LRRD1: variants seen among roughly 807,000 people sequenced by gnomAD.
LRRD1 encodes leucine rich repeats and death domain containing 1.
Under a neutral mutation model 69.5 loss-of-function variants are expected in LRRD1, and 49 were observed. That is an observed-to-expected ratio of 0.70 (90% CI 0.56 to 0.89). LRRD1 has a LOEUF of 0.89. LRRD1 is among the 40% of genes least tolerant of loss of function. The pLI is 0.00. For missense variants in LRRD1, 853 were observed against 956.0 expected, an observed-to-expected ratio of 0.89 and a Z score of 1.42; for synonymous variants, 303 against 338.9, an observed-to-expected ratio of 0.89 and a Z score of 1.16.
At chr7:92,162,343 T>G (rs1238803416) in intron 2 of LRRD1, among the ~76,000 whole-genome samples, 1 of 152,220 alleles carries the variant, frequency 6.6e-6, no homozygotes, top group African/African-American at 2.4e-5. Context: ...CTTAAAGCTA[T>G]TTGATCACAG....
At chr7:92,143,795 GCTC>G (rs1386992464), downstream of LRRD1, among the ~76,000 whole-genome samples, 9 of 152,356 alleles carry the variant, frequency 5.9e-5, no homozygotes, top group East Asian at 1.5e-3. Context: ...GGGCTGAAGG[GCTC>G]CTCAAGTGCC....
At position 92,171,524 on chromosome 7, in the gene LRRD1, C is replaced by A. The variant is rs192406362; in HGVS notation, c.-74-6248G>T. On this transcript the variant is annotated intron_variant, in intron 1 of 5. Transcript: ENST00000458448. The stretch of plus-strand genomic sequence containing the variant: ...CCAGTAATGAGAAATGACATCAAAT[C>A]TGTAATAAAAAGTCTCCCATCCAAG... 2.7e-3 allele frequency among the ~76,000 whole-genome samples: 414 copies of A among 152,232 alleles called. 1 individual carries two copies. The highest frequency in any genetic ancestry group is 9.7e-3 in the African/African-American group (405 of 41,554).
Position 92,163,710 on chromosome 7 carries a change from T to C in LRRD1, c.1493A>G (p.Tyr498Cys), listed in dbSNP as rs1788838986. 1 of 1,501,474 alleles carries C rather than the reference T, an allele frequency of 6.7e-7. No homozygotes were observed. The highest frequency in any genetic ancestry group is 8.9e-7 in the Non-Finnish European group (1 of 1,128,072). 93.0% of individuals were successfully genotyped at this position (1,501,474 alleles called of 1,614,324 possible). ...TATATCCACAGGTATTTCTGAAATA[T>C]AATTTCCATTAACACTCAAATAATA... ...SLYYLSVNGN[Y>C]ISEIPVDISF... Residue 498 changes from tyrosine to cysteine, a missense_variant, in exon 2 of 6, where the codon TAT becomes TGT. This residue lies in a region of LRRD1 where 739 missense variants were observed against 808.0 expected (regional missense o/e 0.91). Coordinates refer to ENST00000458448, the MANE Select transcript of LRRD1 (RefSeq NM_001161528.2).
At chr7:92,156,776 T>C (rs1788666861) in intron 3 of LRRD1, among the ~76,000 whole-genome samples, 1 of 152,194 alleles carries the variant, frequency 6.6e-6, no homozygotes, top group African/African-American at 2.4e-5. Context: ...TTTTCTTGTG[T>C]TGTTGTGCTA....
chr7:92,146,956 G>A (rs1255439337), intron 4 of LRRD1, among the ~76,000 whole-genome samples: 1 of 150,788 alleles, frequency 6.6e-6, no homozygotes, highest in African/African-American at 2.4e-5. Context: ...TGACAATGCA[G>A]ATCTAAATTA....
At chr7:92,148,991 C>T (rs976956449) in intron 4 of LRRD1, among the ~76,000 whole-genome samples, 11 of 152,196 alleles carry the variant, frequency 7.2e-5, no homozygotes, top group Non-Finnish European at 1.5e-4. Flanking sequence ...TCGTGATTCA[C>T]CCACCTTGGC....
At chr7:92,144,400 G>A (rs1387440655), downstream of LRRD1, among the ~76,000 whole-genome samples, 1 of 151,998 alleles carries the variant, frequency 6.6e-6, no homozygotes, top group South Asian at 2.1e-4. Context: ...AGGCCCAGGC[G>A]GGCAGATCAC....
intron 2 of LRRD1, among the ~76,000 whole-genome samples, chr7:92,159,725 A>G (rs35242786): frequency 0.57 from 85,534 of 150,836 alleles, 25,475 homozygotes; most frequent in African/African-American, 0.77. Flanking sequence ...GGGTTCAAGC[A>G]ATTCTCCTGC....
intron 3 of LRRD1, among the ~76,000 whole-genome samples, chr7:92,153,386 A>T (rs1354278486): frequency 6.6e-6 from 1 of 151,786 alleles, no homozygotes; most frequent in Non-Finnish European, 1.5e-5. Flanking sequence ...TTTTTCATTC[A>T]TATAGCTTCT....
intron 1 of LRRD1, among the ~76,000 whole-genome samples, chr7:92,167,982 A>C (rs10236483): frequency 0.57 from 85,231 of 150,664 alleles, 25,343 homozygotes; most frequent in African/African-American, 0.76. Context: ...AGGAGATTTC[A>C]AGTTCTAAAA....
chr7:92,141,787 G>C (rs1820152630), downstream of LRRD1: 1 of 152,118 alleles, frequency 6.6e-6, no homozygotes, highest in Admixed American at 6.5e-5. Context: ...AAGGATTAGA[G>C]ACACAGGCTG....
downstream of LRRD1, among the ~76,000 whole-genome samples, chr7:92,143,738 G>C (rs1820237625): frequency 6.6e-6 from 1 of 152,236 alleles, no homozygotes; most frequent in South Asian, 2.1e-4. Flanking sequence ...GAGGGAGCCG[G>C]TTCCGGCCTT....
rs1275170560 is a variant in LRRD1 at position 92,165,142 on chromosome 7, C to A, written c.61G>T (p.Glu21Ter). 6 of 1,549,842 alleles carry A rather than the reference C, an allele frequency of 3.9e-6. No individual in the cohort carries two copies. In the Middle Eastern group the frequency reaches 5.0e-4, roughly 130 times the overall value. The change falls in exon 2 of 6, where the codon GAA becomes TAA. Residue 21 changes from glutamate (E) to a stop codon, truncating the protein, a stop_gained. Transcript: ENST00000458448. LOFTEE classifies it high-confidence loss of function. ...TCCTTCATTGACTGTGATCTAGATT[C>A]TTTCCTAAATTGACTAATAGTATCC... ...LEDTISQFRK[E>*]SRSQSMKEPG...
Position 92,163,360 on chromosome 7 carries a change from T to C in LRRD1, c.1843A>G (p.Ile615Val). Residue 615 changes from isoleucine (I) to valine (V), a missense_variant, in exon 2 of 6, where the codon ATA (isoleucine) becomes GTA (valine). By Grantham distance (29) the Ile-to-Val change is conservative. This residue lies in a region of LRRD1 where 739 missense variants were observed against 808.0 expected (regional missense o/e 0.91). Transcript: ENST00000458448. ...TGGCACAGTTCAATAGGAAAATGTA[T>C]AAATTGATTGCTTGAGAAGTTTAAT... ...QKLNFSSNQF[I>V]HFPIELCQLQ... 6.5e-7 allele frequency: 1 copy of C among 1,543,684 alleles called. No homozygotes were observed. Among genetic ancestry groups the C allele is most frequent in the Non-Finnish European group, 8.7e-7 (1 of 1,144,788 alleles).
intron 1 of LRRD1, 28 bp from the exon 2 acceptor site, chr7:92,165,304 A>G: frequency 1.8e-6 from 1 of 548,684 alleles, no homozygotes; most frequent in Non-Finnish European, 2.9e-6. Context: ...AAATTAAAAG[A>G]TGTAAGAGAT....
chr7:92,152,601 A>T (rs1263235544), intron 3 of LRRD1, among the ~76,000 whole-genome samples: 2 of 152,046 alleles, frequency 1.3e-5, no homozygotes, highest in Non-Finnish European at 2.9e-5. Context: ...TATTTCTTTC[A>T]TCAGTGTATC....
downstream of LRRD1, among the ~76,000 whole-genome samples, chr7:92,143,478 C>T (rs1042738783): frequency 6.6e-6 from 1 of 152,168 alleles, no homozygotes; most frequent in Non-Finnish European, 1.5e-5. Flanking sequence ...GGGGGAGGCT[C>T]GGGCATGGTG....
chr7:92,172,998 C>T (rs1165255856), intron 1 of LRRD1, among the ~76,000 whole-genome samples: 2 of 152,120 alleles, frequency 1.3e-5, no homozygotes, highest in Non-Finnish European at 2.9e-5. Context: ...AAAACAGACA[C>T]ATAGACCAAT....
At chr7:92,168,339 G>A (rs1788968594) in intron 1 of LRRD1, among the ~76,000 whole-genome samples, 1 of 152,120 alleles carries the variant, frequency 6.6e-6, no homozygotes, top group Admixed American at 6.5e-5. Flanking sequence ...GGAAGTACTG[G>A]GAGTGCCTAT....
Sources: allele counts gnomAD v4.1 joint callset (sites outside exome capture counted in the v4.1 genomes callset), GRCh38; gene constraint gnomAD v4.1.1; regional missense constraint gnomAD v4.1.1; transcripts MANE v1.5; gene names NCBI Gene and HGNC (gene_info 2026-07-23, HGNC 2026-07-21).